KMT2C: variants seen among roughly 807,000 people sequenced by gnomAD.
KMT2C encodes the protein histone-lysine N-methyltransferase 2C.
A neutral mutation model predicts 507.9 loss-of-function variants in KMT2C; 88 were observed. That is an observed-to-expected ratio of 0.17 (90% CI 0.15 to 0.21). The LOEUF is 0.21. KMT2C is among the 10% of genes least tolerant of loss of function. The probability of loss-of-function intolerance (pLI) is 1.00; values close to 1 mark genes in which losing one functional copy is unlikely to be tolerated. For missense variants in KMT2C, 4,954 were observed against 5,957.8 expected (o/e 0.83, Z 5.55); for synonymous variants, 2,049 against 2,080.8 (o/e 0.98, Z 0.42).
At chr7:152,221,340 T>G (rs1436693726) in intron 22 of KMT2C, among the ~76,000 whole-genome samples, 3 of 152,220 alleles carry the variant, frequency 2.0e-5, no homozygotes, top group African/African-American at 4.8e-5. Flanking sequence ...GCTCAGCTAA[T>G]CCACTATGAG....
At position 152,205,099 on chromosome 7, in the gene KMT2C, A is replaced by T. The variant is rs2129137249; in HGVS notation, c.3961+7T>A. On this transcript the variant is annotated splice_region_variant and intron_variant, in intron 25 of 58. Coordinates refer to ENST00000262189, the MANE Select transcript of KMT2C (RefSeq NM_170606.3). ...AAAAAAAATTTTTTTTTAAGTCAGT[A>T]CTATACCATCATCTCTGCAAGGTAA... is the stretch of plus-strand genomic sequence containing the variant. The T allele has an allele frequency of 1.2e-6, 2 of 1,603,220 alleles. No homozygotes were observed. Among genetic ancestry groups the T allele is most frequent in the Non-Finnish European group, 1.7e-6 (2 of 1,173,018 alleles).
At chr7:152,301,270 C>T (rs1589035438) in intron 6 of KMT2C, among the ~76,000 whole-genome samples, 1 of 151,176 alleles carries the variant, frequency 6.6e-6, no homozygotes, top group Admixed American at 6.6e-5. Context: ...TTTGGGAGGC[C>T]GAAGTGGGCA....
intron 33 of KMT2C, among the ~76,000 whole-genome samples, chr7:152,186,012 TA>T (rs1438976058): frequency 1.3e-5 from 2 of 152,106 alleles, no homozygotes; most frequent in Non-Finnish European, 2.9e-5. Context: ...CTACCAGAAG[TA>T]AACAAAGTCA....
At chr7:152,283,174 T>C (rs1222028738) in intron 6 of KMT2C, among the ~76,000 whole-genome samples, 6 of 152,412 alleles carry the variant, frequency 3.9e-5, no homozygotes, top group African/African-American at 1.2e-4. Context: ...CCCCATTTTT[T>C]TGGTTATTCT....
intron 43 of KMT2C, among the ~76,000 whole-genome samples, chr7:152,160,174 C>A (rs1311483554): frequency 6.6e-6 from 1 of 151,820 alleles, no homozygotes; most frequent in Non-Finnish European, 1.5e-5. Flanking sequence ...GATTTTTTTT[C>A]AACCATTTAA....
At chr7:152,302,631 T>C (rs2096579700) in intron 6 of KMT2C, among the ~76,000 whole-genome samples, 1 of 152,120 alleles carries the variant, frequency 6.6e-6, no homozygotes, top group African/African-American at 2.4e-5. Context: ...TTCCTTTCCC[T>C]TTCCTTCTTT....
In KMT2C at chr7:152,163,477, G is replaced by C. The variant is rs765286161; in HGVS notation, c.10100C>G (p.Pro3367Arg). The C allele has an allele frequency of 1.2e-6, 2 of 1,614,088 alleles. No individual in the cohort carries two copies. Among genetic ancestry groups the C allele is most frequent in the Admixed American group, 3.3e-5 (2 of 60,006 alleles). ...TGGATTTGCATTTGAGACTGTCCCT[G>C]GGGCTGGTGTACAAGTTTTTATTGG... ...QLPIKTCTPA[P>R]GTVSNANPQS... Residue 3367 changes from proline (P) to arginine (R), a missense_variant, in exon 43 of 59, where the codon CCA becomes CGA. Pro to Arg is a moderately radical substitution (Grantham distance 103). Around this residue, in one of 29 missense-constraint regions of KMT2C, gnomAD observed 801 missense variants for 751.2 expected, o/e 1.07. Coordinates refer to ENST00000262189, the MANE Select transcript of KMT2C (RefSeq NM_170606.3).
At chr7:152,275,192 T>A (rs2096059612) in intron 6 of KMT2C, among the ~76,000 whole-genome samples, 1 of 152,164 alleles carries the variant, frequency 6.6e-6, no homozygotes, top group Non-Finnish European at 1.5e-5. Flanking sequence ...CTGCACTGAA[T>A]CAACATAACA....
chr7:152,352,449 A>G (rs1030347770), intron 2 of KMT2C, among the ~76,000 whole-genome samples: 13 of 151,976 alleles, frequency 8.6e-5, no homozygotes, highest in African/African-American at 2.9e-4. Flanking sequence ...CCCACACCCT[A>G]TTCATATACT....
At position 152,177,229 on chromosome 7, in the gene KMT2C, C is replaced by CATTAGTTTCCAA. The variant is rs2093246012; in HGVS notation, c.8212_8223dup (p.Leu2738_Asn2741dup). On this transcript the variant is annotated inframe_insertion, in exon 38 of 59. Transcript: ENST00000262189. ...CTTAAGAGGTCATCCAGGTTGGGAT[C>CATTAGTTTCCAA]ATTAGTTTCCAAATTATCTAAAGTA... 1 of 1,613,718 alleles carries CATTAGTTTCCAA rather than the reference C, an allele frequency of 6.2e-7. No homozygotes were observed.
intron 1 of KMT2C, among the ~76,000 whole-genome samples, chr7:152,408,883 A>G (rs895817050): frequency 1.3e-5 from 2 of 152,046 alleles, no homozygotes; most frequent in African/African-American, 4.8e-5. Context: ...TAGAATAGGT[A>G]ACAGTCTAAT....
chr7:152,189,223 G>A (rs1216542792), intron 31 of KMT2C, among the ~76,000 whole-genome samples: 1 of 152,026 alleles, frequency 6.6e-6, no homozygotes, highest in Non-Finnish European at 1.5e-5. Context: ...AAACTATTTG[G>A]AACTAAGCCA....
chr7:152,435,221 C>T (rs1380110556), intron 1 of KMT2C, among the ~76,000 whole-genome samples: 1 of 151,998 alleles, frequency 6.6e-6, no homozygotes, highest in African/African-American at 2.4e-5. Context: ...TCCCGAGCGC[C>T]GACGGCTCGG....
At chr7:152,264,357 A>G (rs1464969766) in intron 8 of KMT2C, among the ~76,000 whole-genome samples, 3 of 152,230 alleles carry the variant, frequency 2.0e-5, no homozygotes, top group African/African-American at 4.8e-5. Flanking sequence ...TATCATGCTC[A>G]TTAGAATCAT....
intron 1 of KMT2C, among the ~76,000 whole-genome samples, chr7:152,364,930 GACAGACACACACAC>G (rs1050554235): frequency 7.7e-6 from 1 of 130,206 alleles, no homozygotes; most frequent in African/African-American, 3.1e-5. Context: ...ATCTGAAACA[GACAGACACACACAC>G]ACACACACAC....
chr7:152,168,777 C>G (rs1054385013), intron 41 of KMT2C, among the ~76,000 whole-genome samples: 1 of 152,148 alleles, frequency 6.6e-6, no homozygotes, highest in East Asian at 1.9e-4. Context: ...ACCTTTACAC[C>G]ATGCTGCTAA....
At chr7:152,337,663 G>A (rs973808927) in intron 2 of KMT2C, among the ~76,000 whole-genome samples, 3 of 151,834 alleles carry the variant, frequency 2.0e-5, no homozygotes, top group Admixed American at 1.3e-4. Context: ...TACTTTGCTC[G>A]TCATTTAAGA....
chr7:152,193,505 C>T (rs914793618), intron 31 of KMT2C, among the ~76,000 whole-genome samples: 1 of 152,158 alleles, frequency 6.6e-6, no homozygotes, highest in Non-Finnish European at 1.5e-5. Context: ...CAACTCTAGC[C>T]TTTAAAGAGC....
chr7:152,355,203 A>G (rs1357012746), intron 2 of KMT2C, among the ~76,000 whole-genome samples: 4 of 152,214 alleles, frequency 2.6e-5, no homozygotes, highest in African/African-American at 7.2e-5. Flanking sequence ...AAATCAAGAA[A>G]GACTCCATCT....
Sources: gnomAD v4.1 joint callset for allele counts (sites outside exome capture counted in the v4.1 genomes callset) on GRCh38, gnomAD v4.1.1 for gene constraint, gnomAD v4.1.1 regional missense constraint, MANE v1.5 for transcripts, NCBI Gene and HGNC (gene_info 2026-07-23, HGNC 2026-07-21) for gene names.